RRM1: variants seen among roughly 807,000 people sequenced by gnomAD.
RRM1 encodes ribonucleotide reductase catalytic subunit M1.
A neutral mutation model predicts 101.5 loss-of-function variants in RRM1; 19 were observed. The observed-to-expected ratio is 0.19, with a 90% CI of 0.13 to 0.27. RRM1 has a LOEUF of 0.27. Ranked by LOEUF, RRM1 falls within the 10% of genes least tolerant of loss-of-function variation. RRM1 has a pLI of 1.00. For missense variants in RRM1, 500 were observed against 962.9 expected (o/e 0.52, Z 6.36); for synonymous variants, 298 against 323.4 (o/e 0.92, Z 0.84).
chr11:4,123,986 A>G (rs897763529), intron 12 of RRM1, among the ~76,000 whole-genome samples: 1 of 152,220 alleles, frequency 6.6e-6, no homozygotes, highest in African/African-American at 2.4e-5. Flanking sequence ...AGTTTGAGAG[A>G]GGAGCTTTCC....
intron 12 of RRM1, among the ~76,000 whole-genome samples, chr11:4,123,692 T>C (rs1210156291): frequency 6.6e-6 from 1 of 152,156 alleles, no homozygotes; most frequent in East Asian, 1.9e-4. Context: ...AAAAATGTGT[T>C]AGGATGTACA....
At chr11:4,108,911 T>A (rs1033383649) in intron 4 of RRM1, among the ~76,000 whole-genome samples, 23 of 152,188 alleles carry the variant, frequency 1.5e-4, no homozygotes, top group Non-Finnish European at 2.6e-4. Flanking sequence ...AGTCCTTAGA[T>A]ATGGATCATT....
At chr11:4,113,568 C>T (rs952976392) in intron 7 of RRM1, among the ~76,000 whole-genome samples, 1 of 152,214 alleles carries the variant, frequency 6.6e-6, no homozygotes, top group East Asian at 1.9e-4. Flanking sequence ...AAGTCTTAAC[C>T]TACAGCCATG....
intron 1 of RRM1, among the ~76,000 whole-genome samples, chr11:4,100,853 G>A (rs2094549957): frequency 7.3e-6 from 1 of 137,090 alleles, no homozygotes; most frequent in South Asian, 2.4e-4. Context: ...TGAAATGACT[G>A]ATTGTGTTTT....
At chr11:4,121,503 TAGTGAAAATCAA>T in intron 9 of RRM1, 89 bp from the exon 10 acceptor site, 1 of 663,586 alleles carries the variant, frequency 1.5e-6, no homozygotes, top group Admixed American at 3.0e-5. Flanking sequence ...TAATTCATTG[TAGTGAAAATCAA>T]AGGAGATACT....
intron 7 of RRM1, among the ~76,000 whole-genome samples, chr11:4,117,867 CTG>C (rs2094575869): frequency 6.6e-6 from 1 of 152,116 alleles, no homozygotes; most frequent in African/African-American, 2.4e-5. Flanking sequence ...TTTAAAAAGA[CTG>C]TAAAGGAGCT....
chr11:4,114,289 C>T (rs2094569686), intron 7 of RRM1, among the ~76,000 whole-genome samples: 1 of 152,020 alleles, frequency 6.6e-6, no homozygotes, highest in South Asian at 2.1e-4. Context: ...CGTGGTGGGT[C>T]ATGCCTGTAA....
At chr11:4,125,059 C>T (rs550258593) in intron 12 of RRM1, among the ~76,000 whole-genome samples, 11 of 151,802 alleles carry the variant, frequency 7.2e-5, no homozygotes, top group East Asian at 3.9e-4. Context: ...GGACTACAGG[C>T]GCGTGCCACC....
intron 7 of RRM1, 96 bp from the exon 8 acceptor site, chr11:4,118,220 CTTTT>C (rs34182882): frequency 6.3e-4 from 571 of 907,674 alleles, no homozygotes; most frequent in South Asian, 1.3e-3. Context: ...AACTTCAACT[CTTTT>C]TTTTTTTTTT....
Position 4,129,521 on chromosome 11 carries a change from G to A in RRM1, c.1769+371G>A, listed in dbSNP as rs182047071. Among the ~76,000 whole-genome samples the A allele has an allele frequency of 3.8e-3, 571 of 150,182 alleles. 1 individual carries two copies. Among genetic ancestry groups the A allele is most frequent in the African/African-American group, 0.013 (546 of 40,756 alleles). On this transcript the variant is annotated intron_variant, in intron 15 of 18. Transcript: ENST00000300738. ...ATTTATTTCCCAATTTAGTTACATC[G>A]GGCATATAAATGGCTTTTGTTTGAA...
rs979440041 is a variant in RRM1, at chr11:4,138,840, A to AAG, written c.*457_*458insAG. Reference sequence around the variant, plus strand: ...GACCTTTATCTGGATATGGTCCTATAGGTTATTCTGAAATAAAGATAAACA... The same window carrying AAG: ...GACCTTTATCTGGATATGGTCCTATAAGGGTTATTCTGAAATAAAGATAAACA... On this transcript the variant is annotated 3_prime_UTR_variant, in exon 19 of 19. Coordinates refer to ENST00000300738, the MANE Select transcript of RRM1 (RefSeq NM_001033.5). 1 of 191,668 alleles carries AAG rather than the reference A, an allele frequency of 5.2e-6. No individual in the cohort carries two copies. The highest frequency in any genetic ancestry group is 2.3e-5 in the African/African-American group (1 of 43,168). The allele number at this position is 191,668 out of a possible 1,614,324, so 11.9% of individuals were successfully genotyped here.
Position 4,094,908 on chromosome 11 carries a change from C to A in RRM1, c.-105C>A, listed in dbSNP as rs567817771. 1 of 1,216,344 alleles carries A rather than the reference C, an allele frequency of 8.2e-7. No homozygotes were observed. The highest frequency in any genetic ancestry group is 1.2e-6 in the Non-Finnish European group (1 of 842,244). The allele number at this position is 1,216,344 out of a possible 1,614,324, so 75.3% of individuals were successfully genotyped here. On this transcript the variant is annotated 5_prime_UTR_variant, in exon 1 of 19. Transcript: ENST00000300738. ...AACTCCAGTTCTTTCCCCTGAGCAG[C>A]GCCTGGAACCTAACCCTTCCCACTC...
In RRM1 at chr11:4,127,245, G is replaced by C. The variant is rs781083706; in HGVS notation, c.1681G>C (p.Val561Leu). Residue 561 changes from valine (V) to leucine (L), a missense_variant, in exon 14 of 19, where the codon GTT becomes CTT. This residue lies in a region of RRM1 where 106 missense variants were observed against 138.1 expected (regional missense o/e 0.77). Coordinates refer to ENST00000300738, the MANE Select transcript of RRM1 (RefSeq NM_001033.5). ...GPYETYEGSP[V>L]SKGILQYDMW... ...ATACGAAACCTATGAGGGCTCTCCA[G>C]TTAGCAAAGGAGTAAGTATATGGAT... 4 of 1,586,880 alleles carry C rather than the reference G, an allele frequency of 2.5e-6. No individual in the cohort carries two copies. Among genetic ancestry groups the C allele is most frequent in the Non-Finnish European group, 3.4e-6 (4 of 1,170,314 alleles).
intron 2 of RRM1, among the ~76,000 whole-genome samples, chr11:4,105,409 T>C (rs2094556880): frequency 6.6e-6 from 1 of 151,986 alleles, no homozygotes; most frequent in Non-Finnish European, 1.5e-5. Context: ...TTTTTTATTT[T>C]TAGTAGGGAT....
At chr11:4,095,259 G>A (rs568993191) in intron 1 of RRM1, among the ~76,000 whole-genome samples, 21 of 152,334 alleles carry the variant, frequency 1.4e-4, no homozygotes, top group African/African-American at 4.6e-4. Context: ...TCATCCTGCC[G>A]CCTTTCAAAA....
At chr11:4,134,923 C>G (rs1473729095) in intron 17 of RRM1, among the ~76,000 whole-genome samples, 159 bp from the exon 18 acceptor site, 1 of 152,144 alleles carries the variant, frequency 6.6e-6, no homozygotes, top group African/African-American at 2.4e-5. Context: ...TCTAAATAGT[C>G]TTGGTAAACT....
chr11:4,127,302 G>C (rs2094591448), intron 14 of RRM1, 46 bp downstream of exon 14: 1 of 1,234,228 alleles, frequency 8.1e-7, no homozygotes, highest in South Asian at 1.6e-5. Context: ...TACCTGTAGT[G>C]GGCTGAATGG....
chr11:4,136,162 A>G (rs2094609290), intron 18 of RRM1, among the ~76,000 whole-genome samples: 1 of 152,002 alleles, frequency 6.6e-6, no homozygotes, highest in African/African-American at 2.4e-5. Flanking sequence ...CCTAGAGGAG[A>G]TAGAATTCCA....
At chr11:4,113,807 A>G (rs2094568765) in intron 7 of RRM1, among the ~76,000 whole-genome samples, 1 of 152,180 alleles carries the variant, frequency 6.6e-6, no homozygotes, top group Non-Finnish European at 1.5e-5. Context: ...GTATCCAAAC[A>G]TATCACAGTA....
Sources: gnomAD v4.1 joint callset for allele counts (sites outside exome capture counted in the v4.1 genomes callset) on GRCh38, gnomAD v4.1.1 for gene constraint, gnomAD v4.1.1 regional missense constraint, MANE v1.5 for transcripts, NCBI Gene and HGNC (gene_info 2026-07-23, HGNC 2026-07-21) for gene names.